The following CRACDL variants were observed in gnomAD, a reference collection of about 807,000 sequenced individuals.
CRACDL encodes CRACD-like protein.
In CRACDL, 26 loss-of-function variants were observed where a neutral mutation model predicts 70.6. The observed-to-expected ratio is 0.37, with a 90% confidence interval of 0.27 to 0.51. The LOEUF is 0.51. CRACDL is among the 20% of genes least tolerant of loss of function. The pLI is 0.94. For missense variants in CRACDL, 1,283 were observed against 1,376.9 expected, an observed-to-expected ratio of 0.93 and a Z score of 1.08; for synonymous variants, 618 against 615.2, an observed-to-expected ratio of 1.00 and a Z score of -0.07.
In CRACDL at chr2:98,796,232, G is replaced by A. The variant is rs771733695; in HGVS notation, c.2637C>T (p.Ser879=). 2 of 1,614,162 alleles carry A rather than the reference G, an allele frequency of 1.2e-6. No individual in the cohort carries two copies. The highest frequency in any genetic ancestry group is 2.2e-5 in the South Asian group (2 of 91,082). Residue 879 remains serine (S), a synonymous_variant, in exon 9 of 10, where the codon AGC becomes AGT. Transcript: ENST00000397899. ...EPVKQADFVR[S]KSFLITPVKP... ...TCACAGGGGTTATCAGGAAAGACTT[G>A]CTGCGAACAAAGTCAGCTTGCTTCA...
intron 2 of CRACDL, among the ~76,000 whole-genome samples, chr2:98,843,198 TAGGTAA>T (rs1206039592): frequency 6.6e-6 from 1 of 152,214 alleles, no homozygotes; most frequent in African/African-American, 2.4e-5. Flanking sequence ...TACATCTTCT[TAGGTAA>T]AGCATGATTT....
chr2:98,873,394 C>T (rs968642573), intron 1 of CRACDL, among the ~76,000 whole-genome samples: 2 of 152,366 alleles, frequency 1.3e-5, no homozygotes, highest in South Asian at 4.1e-4. Flanking sequence ...TGCCTAGAAC[C>T]TCTGTCCCCA....
chr2:98,796,038 C>T, intron 9 of CRACDL, 82 bp downstream of exon 9: 4 of 1,455,426 alleles, frequency 2.7e-6, no homozygotes, highest in South Asian at 1.2e-5. Context: ...TTGCAAAAAC[C>T]AAACCAAACC....
chr2:98,912,924 G>A (rs1436148408), intron 1 of CRACDL: 1 of 152,188 alleles, frequency 6.6e-6, no homozygotes, highest in African/African-American at 2.4e-5. Context: ...ACATTTTAAA[G>A]CCAGTGAATT....
chr2:98,806,618 C>A (rs984288947), intron 7 of CRACDL, among the ~76,000 whole-genome samples: 5 of 152,248 alleles, frequency 3.3e-5, no homozygotes, highest in Non-Finnish European at 7.3e-5. Context: ...CGGCAGGAGG[C>A]AATGACCACT....
At chr2:98,856,709 A>T (rs1409889975) in intron 1 of CRACDL, among the ~76,000 whole-genome samples, 3 of 152,224 alleles carry the variant, frequency 2.0e-5, no homozygotes, top group African/African-American at 7.2e-5. Flanking sequence ...GGAGGGTAGA[A>T]ATGAAATTTT....
intron 7 of CRACDL, among the ~76,000 whole-genome samples, chr2:98,819,601 G>A (rs1028019742): frequency 6.6e-6 from 1 of 152,164 alleles, no homozygotes; most frequent in Non-Finnish European, 1.5e-5. Context: ...CTTTGGAACT[G>A]TGAATCCTTG....
intron 7 of CRACDL, among the ~76,000 whole-genome samples, chr2:98,813,625 G>GA (rs1704663487): frequency 2.0e-5 from 3 of 151,952 alleles, no homozygotes; most frequent in Admixed American, 2.0e-4. Context: ...AAAAATTTTA[G>GA]AAAAAAATAT....
At chr2:98,833,946 G>C (rs1054703596) in intron 3 of CRACDL, among the ~76,000 whole-genome samples, 1 of 152,170 alleles carries the variant, frequency 6.6e-6, no homozygotes, top group African/African-American at 2.4e-5. Flanking sequence ...AAACTGTGTT[G>C]GCTAATAATG....
Position 98,822,970 on chromosome 2 carries a change from C to T in CRACDL, c.1303G>A (p.Val435Ile). 1 of 1,484,922 alleles carries T rather than the reference C, an allele frequency of 6.7e-7. No individual in the cohort carries two copies. The allele number at this position is 1,484,922 out of a possible 1,614,324, so 92.0% of individuals were successfully genotyped here. A position where few individuals can be genotyped will look rare whatever the true frequency, so the allele number is the denominator to read the frequency against. Reference protein sequence around the residue: ...PSARDGPERSVPKEAEPTPPV... With the variant: ...PSARDGPERSIPKEAEPTPPV... Reference sequence around the variant, plus strand: ...GGCGTCGGCTCCGCTTCCTTCGGGACACTGCGTTCTGGCCCGTCGCGAGCA... The same window carrying T: ...GGCGTCGGCTCCGCTTCCTTCGGGATACTGCGTTCTGGCCCGTCGCGAGCA... Residue 435 changes from valine to isoleucine, a missense_variant, in exon 7 of 10, where the codon GTC becomes ATC. By Grantham distance (29) the Val-to-Ile change is conservative. Around this residue, in one of 2 missense-constraint regions of CRACDL, gnomAD observed 921 missense variants for 881.9 expected, o/e 1.04. Coordinates refer to ENST00000397899, the MANE Select transcript of CRACDL (RefSeq NM_207362.3). This position sits in a 1 kb window ranked among gnomAD's most constrained non-coding sequence, Gnocchi z 4.9.
intron 1 of CRACDL, among the ~76,000 whole-genome samples, chr2:98,881,103 A>G (rs1324852165): frequency 1.3e-5 from 2 of 152,044 alleles, no homozygotes; most frequent in South Asian, 2.1e-4. Context: ...CCAGATGGAC[A>G]CTTCTGTGTC....
At chr2:98,820,586 A>G (rs1212762131) in intron 7 of CRACDL, among the ~76,000 whole-genome samples, 2 of 152,250 alleles carry the variant, frequency 1.3e-5, no homozygotes, top group Non-Finnish European at 2.9e-5. Flanking sequence ...AAGATTCTTT[A>G]GCTCTGCTGC....
At chr2:98,927,501 G>GAA (rs11334026) in intron 1 of CRACDL, among the ~76,000 whole-genome samples, 7 of 138,098 alleles carry the variant, frequency 5.1e-5, no homozygotes, top group Non-Finnish European at 3.2e-5. Flanking sequence ...ATCTCTTGGG[G>GAA]AAAAAAAAAA....
chr2:98,797,472 T>C lies in CRACDL; in HGVS notation c.2482A>G (p.Thr828Ala), dbSNP rs771316417. 5 of 1,614,102 alleles carry C rather than the reference T, an allele frequency of 3.1e-6. No homozygotes were observed. Among genetic ancestry groups the C allele is most frequent in the Non-Finnish European group, 4.2e-6 (5 of 1,180,042 alleles). Residue 828 changes from threonine (T) to alanine (A), a missense_variant, in exon 8 of 10, where the codon ACC (threonine) becomes GCC (alanine). Physicochemically the swap from Thr to Ala is moderately conservative, Grantham distance 58. Coordinates refer to ENST00000397899, the MANE Select transcript of CRACDL (RefSeq NM_207362.3). ...CCCCTCCGCTTCTGCCGAGTGACGG[T>C]GATCCAGGGTGGCGCAGGCTGCCCA... Reference protein sequence around the residue: ...ADGQPAPPWITVTRQKRRGTL... With the variant: ...ADGQPAPPWIAVTRQKRRGTL...
chr2:98,874,614 C>T (rs1455499984), intron 1 of CRACDL, among the ~76,000 whole-genome samples: 1 of 152,188 alleles, frequency 6.6e-6, no homozygotes, highest in Non-Finnish European at 1.5e-5. Flanking sequence ...CCACGGCCTC[C>T]AAAAATCCAC....
chr2:98,897,025 G>A (rs1219290221), intron 1 of CRACDL, among the ~76,000 whole-genome samples: 3 of 152,074 alleles, frequency 2.0e-5, no homozygotes, highest in Non-Finnish European at 2.9e-5. Context: ...TGACACACAT[G>A]TAGAGTCATG....
At chr2:98,886,064 C>T (rs141445183) in intron 1 of CRACDL, among the ~76,000 whole-genome samples, 3 of 152,322 alleles carry the variant, frequency 2.0e-5, no homozygotes, top group South Asian at 2.1e-4. Context: ...TTTCACTACC[C>T]TGCTCTCTAG....
At chr2:98,890,647 A>G (rs1422885832) in intron 1 of CRACDL, among the ~76,000 whole-genome samples, 2 of 152,238 alleles carry the variant, frequency 1.3e-5, no homozygotes, top group Admixed American at 6.5e-5. Context: ...GGTTTTCCAG[A>G]TTTTTGAATA....
At chr2:98,917,213 C>T (rs1178391535) in intron 1 of CRACDL, among the ~76,000 whole-genome samples, 1 of 152,224 alleles carries the variant, frequency 6.6e-6, no homozygotes, top group Non-Finnish European at 1.5e-5. Flanking sequence ...AGACGAATGA[C>T]TCATTCCCCA....
Sources: gnomAD v4.1 joint callset for allele counts (sites outside exome capture counted in the v4.1 genomes callset) on GRCh38, gnomAD v4.1.1 for gene constraint, gnomAD v4.1.1 regional missense constraint, Gnocchi (gnomAD v3.1) non-coding constraint, MANE v1.5 for transcripts, NCBI Gene and HGNC (gene_info 2026-07-23, HGNC 2026-07-21) for gene names.